DGKI: variants seen among roughly 807,000 people sequenced by gnomAD.
DGKI encodes DAG kinase iota.
A neutral mutation model predicts 147.5 loss-of-function variants in DGKI; 55 were observed. The ratio of observed to expected loss-of-function variants is 0.37; its 90% CI spans 0.30 to 0.47. DGKI has a LOEUF of 0.47. Among genes scored for constraint, DGKI ranks in the 20% least tolerant of loss-of-function variants. The pLI is 1.00. For synonymous variants in DGKI, 469 were observed against 477.1 expected (o/e 0.98, Z 0.22); for missense variants, 1,007 against 1,323.8 (o/e 0.76, Z 3.71).
intron 32 of DGKI, among the ~76,000 whole-genome samples, chr7:137,395,152 A>G (rs1811502286): frequency 6.6e-6 from 1 of 152,240 alleles, no homozygotes; most frequent in African/African-American, 2.4e-5. Flanking sequence ...GAGCTGGGAA[A>G]GAATCCCTTT....
In DGKI at chr7:137,678,510, A is replaced by T. The variant is rs368371815; in HGVS notation, c.606+47T>A. 5.1e-6 allele frequency: 8 copies of T among 1,584,064 alleles called. No homozygotes were observed. The African/African-American group carries it at 5.4e-5, about 11-fold the overall frequency. On this transcript the variant is annotated intron_variant, in intron 3 of 32. Coordinates refer to ENST00000614521, the MANE Select transcript of DGKI (RefSeq NM_001321708.2). ...TTTAGGCAAGGTGACCCCTCTATTC[A>T]TTCAGATCCACAGGCCTTCCCCCAG... is the stretch of plus-strand genomic sequence containing the variant.
chr7:137,648,213 G>T (rs270891), intron 5 of DGKI, among the ~76,000 whole-genome samples: 81,707 of 152,060 alleles, frequency 0.54, 25,537 homozygotes, highest in African/African-American at 0.88. Flanking sequence ...ATCATTGATG[G>T]TCAGAAAAAA....
intron 24 of DGKI, among the ~76,000 whole-genome samples, chr7:137,469,063 T>C (rs79176474): frequency 0.022 from 3,409 of 152,320 alleles, 172 homozygotes; most frequent in East Asian, 0.13. Context: ...CTATTATGCA[T>C]GCAATATATC....
rs563231160 is a variant in DGKI, at chr7:137,800,934, A to G, written c.401+45528T>C. ...AGCTAAATAATCCACCATTCTGTAG[A>G]ATAAGAATTTTGTAGAATTTGAAGC... On this transcript the variant is annotated intron_variant, in intron 1 of 32. Coordinates refer to ENST00000614521, the MANE Select transcript of DGKI (RefSeq NM_001321708.2). 2.0e-4 allele frequency among the ~76,000 whole-genome samples: 31 copies of G among 152,306 alleles called. 1 individual carries two copies. Among genetic ancestry groups the G allele is most frequent in the African/African-American group, 7.5e-4 (31 of 41,568 alleles).
intron 1 of DGKI, among the ~76,000 whole-genome samples, chr7:137,778,843 T>G (rs764410866): frequency 1.3e-5 from 2 of 152,150 alleles, no homozygotes; most frequent in Non-Finnish European, 2.9e-5. Flanking sequence ...ATATGTTAAA[T>G]AGAGAGAAGT....
intron 20 of DGKI, among the ~76,000 whole-genome samples, chr7:137,533,634 C>T (rs1025659071): frequency 2.6e-5 from 4 of 152,088 alleles, no homozygotes; most frequent in Admixed American, 6.6e-5. Flanking sequence ...GACATAATCA[C>T]GTCCCAATTA....
rs537511701 is a variant in DGKI at position 137,770,557 on chromosome 7, G to A, written c.401+75905C>T. Among the ~76,000 whole-genome samples the A allele has an allele frequency of 3.4e-4, 15 of 43,638 alleles. 4 individuals are homozygous for A. Among genetic ancestry groups the A allele is most frequent in the South Asian group, 6.6e-4 (1 of 1,526 alleles). 28.6% of individuals were successfully genotyped at this position (43,638 alleles called of 152,430 possible). A position where few individuals can be genotyped will look rare whatever the true frequency, so the allele number is the denominator to read the frequency against. ...GGGTTTTTTTTTTTTTTTTTGAGAC[G>A]GAGTCTCGCTCTGTCGCCCAGGCTG... is the stretch of plus-strand genomic sequence containing the variant. On this transcript the variant is annotated intron_variant, in intron 1 of 32. Transcript: ENST00000614521.
intron 19 of DGKI, among the ~76,000 whole-genome samples, chr7:137,561,527 G>C (rs1646398): frequency 6.6e-6 from 1 of 152,074 alleles, no homozygotes; most frequent in African/African-American, 2.4e-5. Flanking sequence ...GACTATAGTT[G>C]ACAGTAATAT....
At chr7:137,589,051 CT>C (rs1454803615) in intron 12 of DGKI, among the ~76,000 whole-genome samples, 1 of 152,180 alleles carries the variant, frequency 6.6e-6, no homozygotes, top group Non-Finnish European at 1.5e-5. Flanking sequence ...ACTCAACCCC[CT>C]TCTGGATATG....
At chr7:137,463,360 T>A in intron 27 of DGKI, 129 bp downstream of exon 27, 9 of 1,298,282 alleles carry the variant, frequency 6.9e-6, no homozygotes, top group Admixed American at 2.2e-5. Flanking sequence ...AAACACAGAG[T>A]AGCACCTGCA....
intron 27 of DGKI, among the ~76,000 whole-genome samples, chr7:137,447,266 C>G (rs893167706): frequency 1.3e-5 from 2 of 151,872 alleles, no homozygotes; most frequent in Admixed American, 1.3e-4. Flanking sequence ...TACTTGAGAC[C>G]CTATTATTAC....
intron 28 of DGKI, among the ~76,000 whole-genome samples, chr7:137,424,046 T>C (rs12539348): frequency 0.41 from 61,834 of 151,984 alleles, 13,125 homozygotes; most frequent in East Asian, 0.74. Flanking sequence ...TAATAAAACA[T>C]TAATTTTGAA....
At chr7:137,656,985 T>C (rs1310529305) in intron 3 of DGKI, among the ~76,000 whole-genome samples, 1 of 152,186 alleles carries the variant, frequency 6.6e-6, no homozygotes. Context: ...ACAGGCATTC[T>C]TTCCCTATTG....
chr7:137,473,511 C>T (rs558854384), intron 23 of DGKI, among the ~76,000 whole-genome samples: 1 of 152,124 alleles, frequency 6.6e-6, no homozygotes, highest in East Asian at 1.9e-4. Flanking sequence ...GCTAAAAAAG[C>T]TATTAATTTA....
intron 4 of DGKI, among the ~76,000 whole-genome samples, chr7:137,655,626 T>C (rs1018134132): frequency 1.3e-5 from 2 of 152,168 alleles, no homozygotes; most frequent in African/African-American, 2.4e-5. Flanking sequence ...AAGGCAGAGA[T>C]GAGTAAGTGA....
At chr7:137,824,586 T>G (rs1487786345) in intron 1 of DGKI, among the ~76,000 whole-genome samples, 1 of 152,092 alleles carries the variant, frequency 6.6e-6, no homozygotes, top group Admixed American at 6.5e-5. Context: ...TCATTCTTTT[T>G]CACTTTTAAG....
intron 4 of DGKI, 61 bp from the exon 5 acceptor site, chr7:137,654,849 C>A: frequency 9.5e-7 from 1 of 1,055,238 alleles, no homozygotes; most frequent in Non-Finnish European, 1.4e-6. Context: ...GACTGAATTA[C>A]CTGAAAAAAA....
At chr7:137,667,137 G>T (rs191976666) in intron 3 of DGKI, among the ~76,000 whole-genome samples, 3 of 151,988 alleles carry the variant, frequency 2.0e-5, no homozygotes, top group Non-Finnish European at 4.4e-5. Context: ...GTTATTATTT[G>T]TGCCAGCAGG....
intron 17 of DGKI, among the ~76,000 whole-genome samples, chr7:137,575,124 A>T (rs1479778659): frequency 6.6e-6 from 1 of 152,234 alleles, no homozygotes; most frequent in African/African-American, 2.4e-5. Flanking sequence ...AGATGAAGAA[A>T]GCAAACTCCT....
Sources: allele counts gnomAD v4.1 joint callset (sites outside exome capture counted in the v4.1 genomes callset), GRCh38; gene constraint gnomAD v4.1.1; transcripts MANE v1.5; gene names NCBI Gene and HGNC (gene_info 2026-07-23, HGNC 2026-07-21).